The following CNTN4 variants were observed in gnomAD, a reference collection of about 807,000 sequenced individuals.
CNTN4 encodes the protein contactin 4.
In CNTN4, 77 loss-of-function variants were observed where a neutral mutation model predicts 122.5. That is an observed-to-expected ratio of 0.63 (90% CI 0.52 to 0.76). The LOEUF (loss-of-function observed/expected upper bound fraction) is 0.76. Ranked by LOEUF, CNTN4 falls within the 30% of genes least tolerant of loss-of-function variation. The pLI is 0.00. For missense variants in CNTN4, 1,256 were observed against 1,259.1 expected, an observed-to-expected ratio of 1.00 and a Z score of 0.04; for synonymous variants, 512 against 447.0, an observed-to-expected ratio of 1.15 and a Z score of -1.83.
At chr3:2,341,548 G>A (rs1476259769) in intron 3 of CNTN4, among the ~76,000 whole-genome samples, 1 of 152,172 alleles carries the variant, frequency 6.6e-6, no homozygotes, top group Non-Finnish European at 1.5e-5. Flanking sequence ...GGACTGAAAG[G>A]CAGGAGGTAG....
intron 3 of CNTN4, chr3:2,362,404 G>A: frequency 5.7e-6 from 2 of 350,154 alleles, no homozygotes; most frequent in East Asian, 8.3e-5. Context: ...TCCTGGGGGT[G>A]TAGCCCCAAC....
chr3:2,961,967 C>T (rs1327276458), intron 13 of CNTN4, among the ~76,000 whole-genome samples: 2 of 152,194 alleles, frequency 1.3e-5, no homozygotes, highest in Admixed American at 1.3e-4. Flanking sequence ...CCTTCTTCAT[C>T]AAAGTCTTTT....
intron 4 of CNTN4, among the ~76,000 whole-genome samples, chr3:2,657,243 A>T (rs182768461): frequency 5.1e-4 from 77 of 152,336 alleles, no homozygotes; most frequent in African/African-American, 1.8e-3. Flanking sequence ...CGAGGCACTT[A>T]TTGGAAACCT....
intron 3 of CNTN4, among the ~76,000 whole-genome samples, chr3:2,411,902 A>T (rs1300071497): frequency 2.0e-5 from 3 of 152,160 alleles, no homozygotes; most frequent in Admixed American, 6.5e-5. Flanking sequence ...ATATGTACTC[A>T]TGTAACCACT....
intron 4 of CNTN4, among the ~76,000 whole-genome samples, chr3:2,638,748 T>A (rs1414470808): frequency 1.3e-5 from 2 of 152,186 alleles, no homozygotes; most frequent in Non-Finnish European, 2.9e-5. Flanking sequence ...CAAACCTGTG[T>A]CACCTGCACA....
chr3:2,257,228 C>G (rs1047479468), intron 2 of CNTN4, among the ~76,000 whole-genome samples: 13 of 152,176 alleles, frequency 8.5e-5, no homozygotes, highest in Non-Finnish European at 1.9e-4. Context: ...GGAAAACTGG[C>G]TAGCCATAGG....
At chr3:3,039,846 CCTGTCCAGTACA>C (rs1407791886) in intron 19 of CNTN4, 179 bp from the exon 20 acceptor site, 1 of 606,136 alleles carries the variant, frequency 1.6e-6, no homozygotes. Flanking sequence ...CGTTTTCAAC[CCTGTCCAGTACA>C]TCATAACTGT....
chr3:2,270,168 C>A lies in CNTN4; in HGVS notation c.-144-69010C>A. Among the ~76,000 whole-genome samples the A allele has an allele frequency of 4.8e-5, 2 of 41,712 alleles. 1 individual carries two copies. The highest frequency in any genetic ancestry group is 1.3e-4 in the Non-Finnish European group (2 of 15,462). The allele number at this position is 41,712 out of a possible 152,430, so 27.4% of individuals were successfully genotyped here. ...GTTTCACCTTGTTAGCCAGGATGGT[C>A]TCGATCTCCTGACCTCATGATCCAC... On this transcript the variant is annotated intron_variant, in intron 2 of 24. Transcript: ENST00000418658.
chr3:2,666,840 G>A lies in CNTN4; in HGVS notation c.56-69375G>A, dbSNP rs1415092746. Among the ~76,000 whole-genome samples, 7 of 149,496 alleles carry A rather than the reference G, an allele frequency of 4.7e-5. No homozygotes were observed. In the East Asian group the frequency reaches 8.0e-4, roughly 17 times the overall value. On this transcript the variant is annotated intron_variant, in intron 4 of 24. Transcript: ENST00000418658. ...CCACCTATGAGTGCGAACACACGGT[G>A]TTTGGTTTTTTGTCTTTGTGATAGT...
chr3:2,352,459 G>A (rs1471043423), intron 3 of CNTN4, among the ~76,000 whole-genome samples: 1 of 152,184 alleles, frequency 6.6e-6, no homozygotes, highest in East Asian at 1.9e-4. Context: ...CCGGGTAGGT[G>A]CAGGCTCCAC....
At chr3:2,933,795 T>C (rs1313355757) in intron 13 of CNTN4, among the ~76,000 whole-genome samples, 1 of 152,120 alleles carries the variant, frequency 6.6e-6, no homozygotes, top group Admixed American at 6.5e-5. Flanking sequence ...AGTTCTGGAA[T>C]AGAGACAGAG....
At chr3:2,760,245 T>G (rs1042752029) in intron 6 of CNTN4, among the ~76,000 whole-genome samples, 1 of 152,200 alleles carries the variant, frequency 6.6e-6, no homozygotes, top group Non-Finnish European at 1.5e-5. Flanking sequence ...AAGAAACCAT[T>G]GCCTAATCCA....
intron 3 of CNTN4, among the ~76,000 whole-genome samples, chr3:2,515,304 A>T (rs1182020008): frequency 6.6e-6 from 1 of 152,200 alleles, no homozygotes; most frequent in East Asian, 1.9e-4. Context: ...TAAATTGAAG[A>T]TGATTAAGGT....
chr3:2,489,106 CA>C (rs2076243751), intron 3 of CNTN4, among the ~76,000 whole-genome samples: 1 of 152,012 alleles, frequency 6.6e-6, no homozygotes, highest in African/African-American at 2.4e-5. Context: ...TCCACATTAG[CA>C]TGTATTGACT....
intron 3 of CNTN4, among the ~76,000 whole-genome samples, chr3:2,558,984 C>G (rs2078835568): frequency 6.6e-6 from 1 of 152,228 alleles, no homozygotes; most frequent in African/African-American, 2.4e-5. Flanking sequence ...GGCCTGAAAT[C>G]TGGTTCTCTG....
intron 2 of CNTN4, among the ~76,000 whole-genome samples, chr3:2,109,374 A>G (rs1353799781): frequency 3.3e-5 from 5 of 152,122 alleles, no homozygotes; most frequent in Admixed American, 3.3e-4. Flanking sequence ...ATTATTCCAT[A>G]ATGATCTTGA....
chr3:2,695,550 C>G (rs188169345), intron 4 of CNTN4, among the ~76,000 whole-genome samples: 3 of 152,164 alleles, frequency 2.0e-5, no homozygotes, highest in Admixed American at 2.0e-4. Flanking sequence ...GTTTGATGTC[C>G]TCCTCAGTTT....
chr3:2,313,658 C>G (rs960606314), intron 2 of CNTN4, among the ~76,000 whole-genome samples: 7 of 151,870 alleles, frequency 4.6e-5, no homozygotes, highest in African/African-American at 1.7e-4. Flanking sequence ...ACAGTCACTC[C>G]CAACTATATG....
intron 6 of CNTN4, among the ~76,000 whole-genome samples, chr3:2,815,873 C>T (rs2092713490): frequency 1.4e-5 from 2 of 141,228 alleles, no homozygotes; most frequent in African/African-American, 6.1e-5. Context: ...GAAACTATGG[C>T]ATATATATAT....
Sources: allele counts gnomAD v4.1 joint callset (sites outside exome capture counted in the v4.1 genomes callset), GRCh38; gene constraint gnomAD v4.1.1; transcripts MANE v1.5; gene names NCBI Gene and HGNC (gene_info 2026-07-23, HGNC 2026-07-21).